The following PLCE1 variants were observed in gnomAD, a reference collection of about 807,000 sequenced individuals.
PLCE1 encodes the protein 1-phosphatidylinositol 4,5-bisphosphate phosphodiesterase epsilon-1.
Under a neutral mutation model 242.8 loss-of-function variants are expected in PLCE1, and 119 were observed. The observed-to-expected ratio is 0.49, with a 90% confidence interval of 0.42 to 0.57. The LOEUF (loss-of-function observed/expected upper bound fraction) is 0.57, where lower values mean the gene tolerates loss of function less well. PLCE1 is among the 20% of genes least tolerant of loss of function. PLCE1 has a pLI of 0.00. For missense variants in PLCE1, 2,441 were observed against 2,788.8 expected, an observed-to-expected ratio of 0.88 and a Z score of 2.81; for synonymous variants, 945 against 1,017.4, an observed-to-expected ratio of 0.93 and a Z score of 1.35.
intron 1 of PLCE1, among the ~76,000 whole-genome samples, chr10:94,004,308 G>A (rs2060993975): frequency 3.3e-5 from 5 of 152,268 alleles, no homozygotes; most frequent in Admixed American, 3.3e-4. Context: ...AAATAGCAGA[G>A]CAGCAAACCT....
intron 2 of PLCE1, among the ~76,000 whole-genome samples, chr10:94,101,648 G>A (rs1376842202): frequency 3.3e-5 from 5 of 152,224 alleles, no homozygotes; most frequent in African/African-American, 1.2e-4. Flanking sequence ...TACAGGGCCA[G>A]TGGCTGGCAC....
intron 30 of PLCE1, among the ~76,000 whole-genome samples, chr10:94,322,337 A>G (rs575275387): frequency 6.6e-6 from 1 of 151,878 alleles, no homozygotes; most frequent in Non-Finnish European, 1.5e-5. Context: ...TGGATGACAG[A>G]GTGAGGCCCT....
At chr10:94,218,855 A>G (rs941382894) in intron 4 of PLCE1, among the ~76,000 whole-genome samples, 2 of 148,274 alleles carry the variant, frequency 1.3e-5, no homozygotes, top group African/African-American at 4.9e-5. Context: ...TATTATATCA[A>G]TCATACTTTT....
At chr10:94,256,323 CAA>C (rs1316929334) in intron 11 of PLCE1, among the ~76,000 whole-genome samples, 16 of 56,246 alleles carry the variant, frequency 2.8e-4, no homozygotes, top group East Asian at 4.8e-4. Context: ...GAGCTTGTCT[CAA>C]AAAAAAAAAA....
chr10:94,058,752 C>A (rs1227494141), intron 2 of PLCE1, among the ~76,000 whole-genome samples: 1 of 152,162 alleles, frequency 6.6e-6, no homozygotes, highest in African/African-American at 2.4e-5. Flanking sequence ...CTTAATTACA[C>A]ATTTTAAAGC....
intron 5 of PLCE1, among the ~76,000 whole-genome samples, chr10:94,231,141 A>G (rs1285503186): frequency 6.6e-6 from 1 of 152,230 alleles, no homozygotes; most frequent in Non-Finnish European, 1.5e-5. Context: ...TATCTTTATA[A>G]TCATAAAGAT....
At chr10:94,127,432 G>A (rs543012631) in intron 2 of PLCE1, among the ~76,000 whole-genome samples, 5 of 152,224 alleles carry the variant, frequency 3.3e-5, no homozygotes, top group South Asian at 2.1e-4. Flanking sequence ...TCATCCTCCC[G>A]CAATCTAGTT....
At chr10:94,080,139 G>A (rs926627932) in intron 2 of PLCE1, among the ~76,000 whole-genome samples, 1 of 152,178 alleles carries the variant, frequency 6.6e-6, no homozygotes. Context: ...TTTGGTCTTT[G>A]AGAAAGACCT....
chr10:94,240,201 A>T (rs919876435), intron 7 of PLCE1, among the ~76,000 whole-genome samples: 1 of 152,182 alleles, frequency 6.6e-6, no homozygotes, highest in Non-Finnish European at 1.5e-5. Flanking sequence ...TTGTTTTATG[A>T]TACTAACTTA....
chr10:94,279,954 G>T, intron 20 of PLCE1, 43 bp downstream of exon 20: 1 of 1,603,678 alleles, frequency 6.2e-7, no homozygotes, highest in Non-Finnish European at 8.5e-7. Flanking sequence ...GAAAATTCTT[G>T]GATGATTTGC....
intron 4 of PLCE1, among the ~76,000 whole-genome samples, chr10:94,173,405 G>A (rs187461596): frequency 3.3e-5 from 5 of 152,224 alleles, no homozygotes; most frequent in Admixed American, 3.3e-4. Context: ...TTTCCTTACT[G>A]ATAAAAATGG....
At position 94,304,629 on chromosome 10, in the gene PLCE1, C is replaced by A. The variant is rs1273582281; in HGVS notation, c.5606C>A (p.Ala1869Glu). Reference protein sequence around the residue: ...LERDLDSMDPAVYSLTIVSGQ... With the variant: ...LERDLDSMDPEVYSLTIVSGQ... ...AGAGATCTGGACAGCATGGATCCTG[C>A]AGTCTATTCTTTAACTGTAAGTACG... is the stretch of plus-strand genomic sequence containing the variant. The change falls in exon 25 of 33, where the codon GCA (alanine) becomes GAA (glutamate). Residue 1869 changes from alanine (A) to glutamate (E), a missense_variant. Coordinates refer to ENST00000371380, the MANE Select transcript of PLCE1 (RefSeq NM_016341.4). 1.9e-6 allele frequency: 3 copies of A among 1,613,874 alleles called. No homozygotes were observed. The African/African-American group carries it at 4.0e-5, about 22-fold the overall frequency.
intron 1 of PLCE1, among the ~76,000 whole-genome samples, chr10:94,010,023 T>C (rs2061136530): frequency 6.6e-6 from 1 of 152,232 alleles, no homozygotes; most frequent in South Asian, 2.1e-4. Context: ...TTTGGCACTG[T>C]CCTAGTAGAG....
At chr10:94,147,315 G>A (rs1223628) in intron 3 of PLCE1, among the ~76,000 whole-genome samples, 42,761 of 151,864 alleles carry the variant, frequency 0.28, 7,434 homozygotes, top group Non-Finnish European at 0.4. Flanking sequence ...CCAGCTACTC[G>A]GGAGGCTGAG....
intron 2 of PLCE1, among the ~76,000 whole-genome samples, chr10:94,066,647 G>A (rs762026761): frequency 1.9e-4 from 29 of 152,122 alleles, no homozygotes; most frequent in Non-Finnish European, 1.5e-4. Flanking sequence ...CCATGCTTGC[G>A]TGTGATTTCA....
At chr10:94,230,140 TA>T (rs1386887345) in intron 5 of PLCE1, among the ~76,000 whole-genome samples, 1 of 152,224 alleles carries the variant, frequency 6.6e-6, no homozygotes, top group Non-Finnish European at 1.5e-5. Context: ...TTCCTCTAAC[TA>T]AATTCTTAGC....
intron 4 of PLCE1, among the ~76,000 whole-genome samples, chr10:94,205,574 C>T (rs1185231060): frequency 2.6e-5 from 4 of 152,202 alleles, no homozygotes; most frequent in South Asian, 2.1e-4. Context: ...TGGCAAGAGT[C>T]GGAAGCCAGA....
At chr10:94,070,299 T>C (rs1332285287) in intron 2 of PLCE1, among the ~76,000 whole-genome samples, 1 of 152,206 alleles carries the variant, frequency 6.6e-6, no homozygotes, top group Admixed American at 6.5e-5. Flanking sequence ...GAGGCATACA[T>C]TTTCTTATTA....
chr10:94,258,383 C>T (rs751769835), intron 11 of PLCE1, among the ~76,000 whole-genome samples: 1 of 152,194 alleles, frequency 6.6e-6, no homozygotes, highest in Non-Finnish European at 1.5e-5. Flanking sequence ...AAGGTTTCTT[C>T]TTAAATGTAA....
Sources: allele counts gnomAD v4.1 joint callset (sites outside exome capture counted in the v4.1 genomes callset), GRCh38; gene constraint gnomAD v4.1.1; transcripts MANE v1.5; gene names NCBI Gene and HGNC (gene_info 2026-07-23, HGNC 2026-07-21).